The following ITGB2 variants were observed in gnomAD, a reference collection of about 807,000 sequenced individuals.
ITGB2 encodes integrin beta-2.
Under a neutral mutation model 86.8 loss-of-function variants are expected in ITGB2, and 56 were observed. The observed-to-expected ratio is 0.65, with a 90% CI of 0.52 to 0.81. ITGB2 has a LOEUF of 0.81. Among genes scored for constraint, ITGB2 ranks in the 30% least tolerant of loss-of-function variants. The pLI is 0.00. For missense variants in ITGB2, 948 were observed against 1,061.2 expected, an observed-to-expected ratio of 0.89 and a Z score of 1.48; for synonymous variants, 457 against 450.4, an observed-to-expected ratio of 1.01 and a Z score of -0.19.
rs752668984 is a variant in ITGB2, at chr21:44,903,509, A to C, written c.355T>G (p.Phe119Val). Residue 119 changes from phenylalanine (F) to valine (V), a missense_variant, in exon 5 of 16, where the codon TTC becomes GTC. Physicochemically the swap from Phe to Val is conservative, Grantham distance 50. Coordinates refer to ENST00000652462, the MANE Select transcript of ITGB2 (RefSeq NM_000211.5). Reference sequence around the variant, plus strand: ...ATGGGGTAGCCCTTGGCCCGCCGGAAGGTCACGTTGAACGCTGCTGCCTGG... The same window carrying C: ...ATGGGGTAGCCCTTGGCCCGCCGGACGGTCACGTTGAACGCTGCTGCCTGG... Reference protein sequence around the residue: ...PGQAAAFNVTFRRAKGYPIDL... With the variant: ...PGQAAAFNVTVRRAKGYPIDL... 13 of 1,613,980 alleles carry C rather than the reference A, an allele frequency of 8.1e-6. No individual in the cohort carries two copies. In the East Asian group the frequency reaches 2.7e-4, roughly 33 times the overall value.
At chr21:44,887,022 C>G in intron 14 of ITGB2, 120 bp from the exon 15 acceptor site, 1 of 1,234,774 alleles carries the variant, frequency 8.1e-7, no homozygotes, top group East Asian at 2.5e-5. Flanking sequence ...CCCAGGGCCC[C>G]GGCTCACCAT....
chr21:44,895,196 C>T (rs1054433549), intron 8 of ITGB2, 136 bp from the exon 9 acceptor site: 80 of 721,992 alleles, frequency 1.1e-4, no homozygotes, highest in Non-Finnish European at 1.8e-4. Context: ...CACTTGGTCC[C>T]CAGAGTGTGT....
intron 1 of ITGB2, among the ~76,000 whole-genome samples, chr21:44,914,852 G>A (rs1427733105): frequency 2.0e-5 from 3 of 152,082 alleles, no homozygotes; most frequent in South Asian, 2.1e-4. Flanking sequence ...AGGATCACTC[G>A]CGCCCAGGAG....
intron 10 of ITGB2, among the ~76,000 whole-genome samples, chr21:44,892,222 C>A (rs1222256588): frequency 6.6e-6 from 1 of 152,224 alleles, no homozygotes; most frequent in Non-Finnish European, 1.5e-5. Flanking sequence ...AGGATCTCCC[C>A]GGCCACACAT....
intron 1 of ITGB2, among the ~76,000 whole-genome samples, chr21:44,926,107 A>C (rs1444560134): frequency 6.6e-6 from 1 of 152,126 alleles, no homozygotes; most frequent in Non-Finnish European, 1.5e-5. Context: ...TCCGTCTCAA[A>C]AAATATATAT....
At chr21:44,918,585 G>T (rs1051180187) in intron 1 of ITGB2, among the ~76,000 whole-genome samples, 3 of 152,220 alleles carry the variant, frequency 2.0e-5, no homozygotes, top group Non-Finnish European at 4.4e-5. Flanking sequence ...TCCAGACAGG[G>T]TGCAGATAGG....
chr21:44,889,336 C>T lies in ITGB2; in HGVS notation c.1817G>A (p.Gly606Asp). 1.2e-6 allele frequency: 2 copies of T among 1,612,950 alleles called. No individual in the cohort carries two copies. Among genetic ancestry groups the T allele is most frequent in the Non-Finnish European group, 1.7e-6 (2 of 1,179,882 alleles). Residue 606 changes from glycine to aspartate, a missense_variant, in exon 13 of 16, where the codon GGC becomes GAC. By Grantham distance (94) the Gly-to-Asp change is moderately conservative. Coordinates refer to ENST00000652462, the MANE Select transcript of ITGB2 (RefSeq NM_000211.5). ...CTCCTGGCACAGAGGCAGCTGGTAG[C>T]CTGAATGGCACTCGCATACGTTGCA... ...CRCNVCECHS[G>D]YQLPLCQECP...
At chr21:44,926,639 C>T (rs890468980) in intron 1 of ITGB2, among the ~76,000 whole-genome samples, 3 of 152,136 alleles carry the variant, frequency 2.0e-5, no homozygotes, top group Non-Finnish European at 4.4e-5. Context: ...CGAAACTGGC[C>T]GCATGTCTGG....
chr21:44,917,722 T>C (rs1766148780), intron 1 of ITGB2, among the ~76,000 whole-genome samples: 1 of 152,170 alleles, frequency 6.6e-6, no homozygotes, highest in South Asian at 2.1e-4. Context: ...AGCACCTCTT[T>C]TCCCCAACAC....
At chr21:44,891,052 G>A (rs537113700) in intron 11 of ITGB2, among the ~76,000 whole-genome samples, 7 of 152,328 alleles carry the variant, frequency 4.6e-5, no homozygotes, top group African/African-American at 9.6e-5. Context: ...CCACCAGGAC[G>A]TGGATTGGCA....
At chr21:44,906,829 G>A (rs2084048897) in intron 4 of ITGB2, 86 bp downstream of exon 4, 1 of 1,458,628 alleles carries the variant, frequency 6.9e-7, no homozygotes, top group Non-Finnish European at 9.6e-7. Context: ...GGGCAGCCCT[G>A]ACACCCCAGA....
At chr21:44,923,884 G>A (rs763297571), upstream of ITGB2, among the ~76,000 whole-genome samples, 6 of 152,068 alleles carry the variant, frequency 3.9e-5, no homozygotes, top group Admixed American at 6.6e-5. Context: ...ATAAAGAAAC[G>A]GAAAATACAC....
At chr21:44,904,216 G>C (rs920411323) in intron 4 of ITGB2, among the ~76,000 whole-genome samples, 3 of 151,960 alleles carry the variant, frequency 2.0e-5, no homozygotes, top group Admixed American at 2.0e-4. Context: ...CCCCCTGGGC[G>C]GCAGGACAAG....
chr21:44,889,616 G>T, intron 12 of ITGB2, 121 bp from the exon 13 acceptor site: 1 of 994,816 alleles, frequency 1.0e-6, no homozygotes, highest in Non-Finnish European at 1.5e-6. Context: ...GGATGTTCCT[G>T]AGCAAAAGGC....
rs2083749151 is a variant in ITGB2, at chr21:44,889,296, G to A, written c.1857C>T (p.Pro619=). Residue 619 remains proline, a synonymous_variant, in exon 13 of 16, where the codon CCC becomes CCT. Transcript: ENST00000652462. The part of the protein sequence containing the change: ...LPLCQECPGC[P]SPCGKYISCA... ...CTCACATGTACTTGCCACAGGGTGA[G>A]GGGCAGCCGGGGCACTCCTGGCACA... The A allele has an allele frequency of 6.2e-7, 1 of 1,612,836 alleles. No homozygotes were observed.
chr21:44,892,053 G>A (rs2083793489), intron 10 of ITGB2, 57 bp from the exon 11 acceptor site: 1 of 1,559,720 alleles, frequency 6.4e-7, no homozygotes, highest in East Asian at 2.3e-5. Context: ...TGGCAGCCCA[G>A]CTCCCAACCC....
intron 6 of ITGB2, 41 bp downstream of exon 6, chr21:44,901,451 C>G: frequency 1.2e-6 from 2 of 1,607,404 alleles, no homozygotes; most frequent in Non-Finnish European, 1.7e-6. Flanking sequence ...GCCCCCCACA[C>G]TGGGGGAACG....
chr21:44,922,727 A>C (rs962869728), upstream of ITGB2, among the ~76,000 whole-genome samples: 10 of 152,150 alleles, frequency 6.6e-5, no homozygotes, highest in African/African-American at 2.4e-4. Context: ...CAAACAAGAA[A>C]GGTAAATAAA....
intron 3 of ITGB2, among the ~76,000 whole-genome samples, chr21:44,909,136 G>C (rs541326033): frequency 6.6e-6 from 1 of 152,338 alleles, no homozygotes; most frequent in Non-Finnish European, 1.5e-5. Flanking sequence ...CTGCGGGTGC[G>C]ATTTGATGAG....
Sources: allele counts gnomAD v4.1 joint callset (sites outside exome capture counted in the v4.1 genomes callset), GRCh38; gene constraint gnomAD v4.1.1; transcripts MANE v1.5; gene names NCBI Gene and HGNC (gene_info 2026-07-23, HGNC 2026-07-21).